Variants in ARHGAP22 observed in about 807,000 individuals in gnomAD.
ARHGAP22 encodes Rho GTPase activating protein 22, also known as rho GTPase-activating protein 22.
In ARHGAP22, 48 loss-of-function variants were observed where a neutral mutation model predicts 59.1. The observed-to-expected ratio is 0.81, with a 90% CI of 0.64 to 1.03. The LOEUF (loss-of-function observed/expected upper bound fraction) is 1.03. Among genes scored for constraint, ARHGAP22 ranks in the 50% least tolerant of loss-of-function variants. The pLI, the probability that ARHGAP22 is intolerant of heterozygous loss-of-function variation, is 0.00. For missense variants in ARHGAP22, 1,015 were observed against 958.7 expected (o/e 1.06, Z -0.78); for synonymous variants, 445 against 416.4 (o/e 1.07, Z -0.84).
chr10:48,466,340 C>A (rs116214490), intron 4 of ARHGAP22, among the ~76,000 whole-genome samples: 153 of 152,172 alleles, frequency 1.0e-3, no homozygotes, highest in African/African-American at 2.9e-3. Flanking sequence ...TTGAAGGACG[C>A]CTCCGGTCCC....
At chr10:48,650,305 T>C (rs2062508600) in intron 1 of ARHGAP22, among the ~76,000 whole-genome samples, 1 of 152,084 alleles carries the variant, frequency 6.6e-6, no homozygotes, top group Admixed American at 6.5e-5. Flanking sequence ...TTATGCTAAG[T>C]GAAAGAAGCC....
chr10:48,496,451 ATT>A (rs2134297821), intron 3 of ARHGAP22, among the ~76,000 whole-genome samples: 1 of 152,254 alleles, frequency 6.6e-6, no homozygotes, highest in South Asian at 2.1e-4. Flanking sequence ...CATGATTCTC[ATT>A]TTACAGATAA....
At chr10:48,577,777 C>T (rs578098355) in intron 2 of ARHGAP22, among the ~76,000 whole-genome samples, 2 of 134,766 alleles carry the variant, frequency 1.5e-5, no homozygotes, top group East Asian at 4.6e-4. Flanking sequence ...CTCAGAAAAT[C>T]TGAGATCTAA....
chr10:48,493,707 C>G, intron 3 of ARHGAP22: 1 of 1,336,014 alleles, frequency 7.5e-7, no homozygotes, highest in African/African-American at 1.5e-5. Flanking sequence ...CTGTCTGGGG[C>G]GGGGCAAGAA....
chr10:48,435,105 G>T, the ARHGAP22 span: 1 of 1,125,164 alleles, frequency 8.9e-7, no homozygotes, highest in Admixed American at 2.8e-5. Context: ...AAACAATTCA[G>T]TGGTCTTATT....
At chr10:48,577,387 A>G (rs187862938) in intron 2 of ARHGAP22, among the ~76,000 whole-genome samples, 8 of 152,284 alleles carry the variant, frequency 5.3e-5, no homozygotes, top group Non-Finnish European at 1.0e-4. Flanking sequence ...AACCAGGCCT[A>G]TCACTCCCAC....
chr10:48,493,288 C>T, intron 3 of ARHGAP22: 1 of 896,866 alleles, frequency 1.1e-6, no homozygotes, highest in Non-Finnish European at 1.7e-6. Context: ...CTGAACCTCC[C>T]TGCTGTCCTC....
At chr10:48,435,020 C>T in the ARHGAP22 span, 1 of 1,186,410 alleles carries the variant, frequency 8.4e-7, no homozygotes, top group Non-Finnish European at 1.1e-6. Flanking sequence ...CTCTGGGCTG[C>T]TGTAGATGAC....
intron 1 of ARHGAP22, among the ~76,000 whole-genome samples, chr10:48,604,436 A>G (rs1451791734): frequency 2.6e-5 from 4 of 152,234 alleles, no homozygotes. Context: ...CTTTTTAGTA[A>G]AGAAGCAAAG....
In ARHGAP22 at chr10:48,577,800, G is replaced by C. The variant is rs370679555; in HGVS notation, c.234+5153C>G. ...ATCTGAGATCTAACTGCTCTTTTTT[G>C]GTTTTTTTTTTTTTTTTTTTTTTTT... On this transcript the variant is annotated intron_variant, in intron 2 of 9. Transcript: ENST00000249601. 4.8e-3 allele frequency among the ~76,000 whole-genome samples: 202 copies of C among 41,950 alleles called. 2 individuals carry two copies. The highest frequency in any genetic ancestry group is 0.025 in the African/African-American group (196 of 7,860). The allele number at this position is 41,950 out of a possible 152,430, so 27.5% of individuals were successfully genotyped here. A position where few individuals can be genotyped will look rare whatever the true frequency, so the allele number is the denominator to read the frequency against.
chr10:48,580,668 G>A (rs1194529777), intron 2 of ARHGAP22, among the ~76,000 whole-genome samples: 1 of 152,178 alleles, frequency 6.6e-6, no homozygotes, highest in Non-Finnish European at 1.5e-5. Context: ...CACTGTTGAA[G>A]GGCCAAGGCT....
chr10:48,493,438 C>A (rs1325218028), intron 3 of ARHGAP22: 1 of 1,535,728 alleles, frequency 6.5e-7, no homozygotes, highest in East Asian at 2.4e-5. Flanking sequence ...TATCCACTTA[C>A]CCCTGGGCAT....
intron 3 of ARHGAP22, among the ~76,000 whole-genome samples, chr10:48,508,933 G>A (rs1236411552): frequency 2.0e-5 from 3 of 152,276 alleles, no homozygotes; most frequent in African/African-American, 7.2e-5. Context: ...GGGTACCACT[G>A]GGGCAGGGGA....
chr10:48,581,601 G>C (rs1377440672), intron 2 of ARHGAP22, among the ~76,000 whole-genome samples: 1 of 152,178 alleles, frequency 6.6e-6, no homozygotes, highest in Non-Finnish European at 1.5e-5. Context: ...GCTATTATTT[G>C]TGTAAAAGTT....
intron 1 of ARHGAP22, among the ~76,000 whole-genome samples, chr10:48,600,338 A>C (rs2060307058): frequency 6.6e-6 from 1 of 152,196 alleles, no homozygotes; most frequent in African/African-American, 2.4e-5. Flanking sequence ...TAGAAATCAG[A>C]AAAGTGTCAC....
At chr10:48,496,834 G>T (rs898483082) in intron 3 of ARHGAP22, among the ~76,000 whole-genome samples, 1 of 152,188 alleles carries the variant, frequency 6.6e-6, no homozygotes, top group Admixed American at 6.5e-5. Flanking sequence ...GGCTGTGGAG[G>T]TGCTGTGTAG....
intron 1 of ARHGAP22, among the ~76,000 whole-genome samples, chr10:48,603,036 C>T (rs553853132): frequency 2.6e-5 from 4 of 152,148 alleles, no homozygotes; most frequent in Admixed American, 2.0e-4. Context: ...TGTGCAAAAG[C>T]CCTATGGTGG....
intron 2 of ARHGAP22, among the ~76,000 whole-genome samples, chr10:48,582,533 C>A (rs747669414): frequency 6.6e-6 from 1 of 152,132 alleles, no homozygotes; most frequent in Non-Finnish European, 1.5e-5. Context: ...AAACCCTATG[C>A]AGGATGGGTG....
At chr10:48,534,791 G>T (rs2055194847) in intron 3 of ARHGAP22, among the ~76,000 whole-genome samples, 1 of 152,130 alleles carries the variant, frequency 6.6e-6, no homozygotes, top group African/African-American at 2.4e-5. Flanking sequence ...CTGCCTCCAG[G>T]GTGATCCTTA....
Sources: gnomAD v4.1 joint callset for allele counts (sites outside exome capture counted in the v4.1 genomes callset) on GRCh38, gnomAD v4.1.1 for gene constraint, MANE v1.5 for transcripts, NCBI Gene and HGNC (gene_info 2026-07-23, HGNC 2026-07-21) for gene names.